The following NUCB2 variants were observed in gnomAD, a reference collection of about 807,000 sequenced individuals.
NUCB2 encodes the protein nucleobindin 2.
In NUCB2, 48 loss-of-function variants were observed where a neutral mutation model predicts 57.9. The ratio of observed to expected loss-of-function variants is 0.83; its 90% CI spans 0.66 to 1.05. The LOEUF is 1.05. NUCB2 is among the 50% of genes least tolerant of loss of function. The pLI is 0.00. For synonymous variants in NUCB2, 139 were observed against 152.1 expected (o/e 0.91, Z 0.64); for missense variants, 442 against 476.2 (o/e 0.93, Z 0.67).
At chr11:17,291,750 A>T (rs1176974277) in intron 2 of NUCB2, among the ~76,000 whole-genome samples, 2 of 152,122 alleles carry the variant, frequency 1.3e-5, no homozygotes, top group African/African-American at 2.4e-5. Flanking sequence ...GCAAATTCTC[A>T]GTTTGATCAG....
At chr11:17,307,954 T>C (rs963500377) in intron 5 of NUCB2, among the ~76,000 whole-genome samples, 2 of 152,178 alleles carry the variant, frequency 1.3e-5, no homozygotes, top group African/African-American at 2.4e-5. Flanking sequence ...TGTTAGATAG[T>C]ATAGCAGTGC....
intron 2 of NUCB2, among the ~76,000 whole-genome samples, chr11:17,287,069 T>G (rs1943868886): frequency 6.6e-6 from 1 of 151,878 alleles, no homozygotes; most frequent in Non-Finnish European, 1.5e-5. Flanking sequence ...AAAATAAATT[T>G]AAAAGGCAAG....
At chr11:17,313,094 G>A (rs1022382108) in intron 10 of NUCB2, among the ~76,000 whole-genome samples, 1 of 151,684 alleles carries the variant, frequency 6.6e-6, no homozygotes, top group South Asian at 2.1e-4. Context: ...GGAGACACAA[G>A]GTCTTGCTAT....
chr11:17,293,830 C>T (rs1591301995), intron 2 of NUCB2, among the ~76,000 whole-genome samples: 1 of 152,126 alleles, frequency 6.6e-6, no homozygotes, highest in Non-Finnish European at 1.5e-5. Context: ...ATATGAAATG[C>T]CCAGAATAGG....
intron 2 of NUCB2, among the ~76,000 whole-genome samples, chr11:17,342,428 C>G (rs1383463126): frequency 1.3e-5 from 2 of 151,868 alleles, no homozygotes; most frequent in African/African-American, 2.4e-5. Flanking sequence ...TAGATCTTTC[C>G]TGCTTTCTCT....
intron 1 of NUCB2, among the ~76,000 whole-genome samples, chr11:17,277,507 G>T (rs1446501208): frequency 6.6e-6 from 1 of 151,426 alleles, no homozygotes; most frequent in African/African-American, 2.4e-5. Context: ...GGGAAAGAAG[G>T]AGAGAGAGAG....
chr11:17,283,603 A>G, intron 2 of NUCB2: 1 of 152,188 alleles, frequency 6.6e-6, no homozygotes, highest in East Asian at 1.9e-4. Flanking sequence ...TTAGCCCTTA[A>G]TTCATTATAG....
rs763115401 is a variant in NUCB2, at chr11:17,295,451, C to A, written c.128C>A (p.Ala43Glu). 6.2e-7 allele frequency: 1 copy of A among 1,608,912 alleles called. No individual in the cohort carries two copies. Among genetic ancestry groups the A allele is most frequent in the South Asian group, 1.1e-5 (1 of 90,254 alleles). Reference protein sequence around the residue: ...KVQNIHPVESAKIEPPDTGLY... With the variant: ...KVQNIHPVESEKIEPPDTGLY... ...CAAAATATTCACCCTGTGGAAAGTG[C>A]GAAGATAGAACCACCAGTAAGTGAA... is the stretch of plus-strand genomic sequence containing the variant. Residue 43 changes from alanine (A) to glutamate (E), a missense_variant, in exon 3 of 14, where the codon GCG (alanine) becomes GAG (glutamate). Coordinates refer to ENST00000529010, the MANE Select transcript of NUCB2 (RefSeq NM_005013.4).
chr11:17,311,651 A>G (rs9645621), intron 8 of NUCB2, among the ~76,000 whole-genome samples: 28,778 of 152,222 alleles, frequency 0.19, 3,571 homozygotes, highest in Non-Finnish European at 0.28. Context: ...AAAATGGTCA[A>G]GATACGCTTT....
chr11:17,331,802 T>G lies in NUCB2; in HGVS notation c.*383T>G. 1 of 169,690 alleles carries G rather than the reference T, an allele frequency of 5.9e-6. No homozygotes were observed. The highest frequency in any genetic ancestry group is 1.3e-5 in the Non-Finnish European group (1 of 79,992). 10.5% of individuals were successfully genotyped at this position (169,690 alleles called of 1,614,324 possible). On this transcript the variant is annotated 3_prime_UTR_variant, in exon 14 of 14. Coordinates refer to ENST00000529010, the MANE Select transcript of NUCB2 (RefSeq NM_005013.4). The stretch of plus-strand genomic sequence containing the variant: ...GATTGCTCTCACTTACTCGTAAACA[T>G]AGGTATTCTTTTATGGGTGCTTATC...
chr11:17,300,967 CTTTTTTTTTTTT>C (rs71047541), intron 4 of NUCB2, among the ~76,000 whole-genome samples: 2 of 84,412 alleles, frequency 2.4e-5, no homozygotes, highest in East Asian at 3.1e-4. Flanking sequence ...TAAAGCTAAT[CTTTTTTTTTTTT>C]TTTTTTTTTT....
intron 2 of NUCB2, among the ~76,000 whole-genome samples, chr11:17,293,714 A>C (rs1945331769): frequency 1.3e-5 from 2 of 152,238 alleles, no homozygotes; most frequent in Non-Finnish European, 2.9e-5. Context: ...CAGCTATAAA[A>C]AAGAAATAAA....
chr11:17,326,357 G>A (rs1480832716), intron 11 of NUCB2, among the ~76,000 whole-genome samples: 1 of 88,208 alleles, frequency 1.1e-5, no homozygotes, highest in African/African-American at 4.3e-5. Flanking sequence ...TGCTCTTGTT[G>A]CCCAGGCTGG....
intron 11 of NUCB2, among the ~76,000 whole-genome samples, chr11:17,322,422 G>C (rs1950145326): frequency 6.6e-6 from 1 of 152,032 alleles, no homozygotes; most frequent in African/African-American, 2.4e-5. Flanking sequence ...ATTTGTTTCT[G>C]GGTTCTCTAT....
At chr11:17,309,234 T>C (rs949764309) in intron 5 of NUCB2, among the ~76,000 whole-genome samples, 5 of 152,090 alleles carry the variant, frequency 3.3e-5, no homozygotes, top group Non-Finnish European at 7.4e-5. Context: ...GGTGGGAGGA[T>C]TGCTTGAGCC....
At chr11:17,346,439 C>A (rs939087668) in intron 2 of NUCB2, among the ~76,000 whole-genome samples, 1 of 151,394 alleles carries the variant, frequency 6.6e-6, no homozygotes, top group African/African-American at 2.4e-5. Flanking sequence ...GAAAGGAAAC[C>A]TGGCTGATGT....
chr11:17,318,187 T>G (rs941749637), intron 11 of NUCB2, among the ~76,000 whole-genome samples: 1 of 151,828 alleles, frequency 6.6e-6, no homozygotes, highest in Non-Finnish European at 1.5e-5. Flanking sequence ...GATCTTTTTT[T>G]TGTGTTTTTA....
At chr11:17,277,506 GGA>G (rs147820906) in intron 1 of NUCB2, among the ~76,000 whole-genome samples, 17 of 151,498 alleles carry the variant, frequency 1.1e-4, no homozygotes, top group South Asian at 6.3e-4. Context: ...AGGGAAAGAA[GGA>G]GAGAGAGAGA....
chr11:17,298,842 G>A (rs1000007812), intron 4 of NUCB2, among the ~76,000 whole-genome samples: 7 of 152,068 alleles, frequency 4.6e-5, no homozygotes, highest in Non-Finnish European at 8.8e-5. Context: ...GGGATTACAG[G>A]TGTGGGCCAC....
Sources: allele counts gnomAD v4.1 joint callset (sites outside exome capture counted in the v4.1 genomes callset), GRCh38; gene constraint gnomAD v4.1.1; transcripts MANE v1.5; gene names NCBI Gene and HGNC (gene_info 2026-07-23, HGNC 2026-07-21).